The following ZCCHC7 variants were observed in gnomAD, a reference collection of about 807,000 sequenced individuals.
The protein encoded by ZCCHC7 is zinc finger CCHC domain-containing protein 7.
Under a neutral mutation model 52.0 loss-of-function variants are expected in ZCCHC7, and 35 were observed. The observed-to-expected ratio is 0.67, with a 90% CI of 0.51 to 0.89. The LOEUF is 0.89. ZCCHC7 is among the 40% of genes least tolerant of loss of function. ZCCHC7 has a pLI of 0.00. For missense variants in ZCCHC7, 574 were observed against 649.1 expected (o/e 0.88, Z 1.26); for synonymous variants, 217 against 221.5 (o/e 0.98, Z 0.18).
chr9:37,241,602 C>A (rs1474685746), intron 2 of ZCCHC7, among the ~76,000 whole-genome samples: 1 of 151,732 alleles, frequency 6.6e-6, no homozygotes, highest in East Asian at 1.9e-4. Context: ...TCACTTTTTC[C>A]TTTTGAAAAG....
intron 1 of ZCCHC7, among the ~76,000 whole-genome samples, chr9:37,125,416 C>T (rs1320230980): frequency 2.6e-5 from 4 of 152,220 alleles, no homozygotes; most frequent in African/African-American, 9.6e-5. Flanking sequence ...GCCTTGGCCT[C>T]CCAAAGTGTT....
At chr9:37,134,060 A>G (rs556246805) in intron 2 of ZCCHC7, among the ~76,000 whole-genome samples, 4 of 152,246 alleles carry the variant, frequency 2.6e-5, no homozygotes, top group South Asian at 2.1e-4. Flanking sequence ...ATATTTAATC[A>G]TATTACCATA....
At chr9:37,317,869 C>T (rs960526388) in intron 5 of ZCCHC7, among the ~76,000 whole-genome samples, 9 of 144,610 alleles carry the variant, frequency 6.2e-5, no homozygotes, top group African/African-American at 2.3e-4. Flanking sequence ...CCTGTTTATC[C>T]AAAGAGACCT....
chr9:37,205,303 CT>C, intron 2 of ZCCHC7: 1 of 192,884 alleles, frequency 5.2e-6, no homozygotes, highest in Non-Finnish European at 1.1e-5. Context: ...GCAGTATCAC[CT>C]TTCTTGTAGC....
At position 37,357,099 on chromosome 9, in the gene ZCCHC7, C is replaced by T; in HGVS notation, c.1463C>T (p.Thr488Ile). The T allele has an allele frequency of 3.1e-6, 5 of 1,613,780 alleles. No homozygotes were observed. Among genetic ancestry groups the T allele is most frequent in the African/African-American group, 1.3e-5 (1 of 74,934 alleles). Residue 488 changes from threonine to isoleucine, a missense_variant, in exon 9 of 9, where the codon ACC (threonine) becomes ATC (isoleucine). By Grantham distance (89) the Thr-to-Ile change is moderately conservative. This residue lies in a region of ZCCHC7 where 168 missense variants were observed against 171.6 expected (regional missense o/e 0.98). Coordinates refer to ENST00000336755, the MANE Select transcript of ZCCHC7 (RefSeq NM_032226.3). Reference protein sequence around the residue: ...KTYSSPGSFKTQKPSKPFHRS... With the variant: ...KTYSSPGSFKIQKPSKPFHRS... ...TACTCTTCTCCTGGCAGTTTTAAAA[C>T]CCAGAAGCCTTCTAAGCCCTTTCAC...
chr9:37,266,363 T>C (rs1827107764), intron 2 of ZCCHC7, among the ~76,000 whole-genome samples: 1 of 152,236 alleles, frequency 6.6e-6, no homozygotes, highest in African/African-American at 2.4e-5. Context: ...AGTACAACTG[T>C]AAATTTATTT....
At chr9:37,330,364 T>A (rs551351358) in intron 6 of ZCCHC7, among the ~76,000 whole-genome samples, 1 of 151,832 alleles carries the variant, frequency 6.6e-6, no homozygotes, top group Non-Finnish European at 1.5e-5. Context: ...TCAGCTAGAC[T>A]CGACTACATT....
At chr9:37,246,202 G>A (rs1403474331) in intron 2 of ZCCHC7, among the ~76,000 whole-genome samples, 1 of 152,128 alleles carries the variant, frequency 6.6e-6, no homozygotes, top group Non-Finnish European at 1.5e-5. Flanking sequence ...AAGTTTGAAA[G>A]TGGACAAATA....
At position 37,321,234 on chromosome 9, in the gene ZCCHC7, C is replaced by T. The variant is rs374642194; in HGVS notation, c.952-6565C>T. Among the ~76,000 whole-genome samples, 7 of 151,836 alleles carry T rather than the reference C, an allele frequency of 4.6e-5. No individual in the cohort carries two copies. In the South Asian group the frequency reaches 1.5e-3, roughly 32 times the overall value. On this transcript the variant is annotated intron_variant, in intron 5 of 8. Transcript: ENST00000336755. ...TGATCTCCTGACCTCGTGATCCACC[C>T]ACCTCGGCCTCCCAAAGTGCTGGGA...
At chr9:37,336,119 T>C (rs1830638504) in intron 6 of ZCCHC7, among the ~76,000 whole-genome samples, 1 of 152,246 alleles carries the variant, frequency 6.6e-6, no homozygotes, top group African/African-American at 2.4e-5. Context: ...TAGCAGTTTT[T>C]TGCACTTTAG....
At chr9:37,334,162 G>A (rs756931446) in intron 6 of ZCCHC7, among the ~76,000 whole-genome samples, 59 of 151,794 alleles carry the variant, frequency 3.9e-4, no homozygotes, top group Admixed American at 9.2e-4. Flanking sequence ...TGATTATTTC[G>A]CATATGTGCT....
chr9:37,161,390 C>T (rs997402245), intron 2 of ZCCHC7, among the ~76,000 whole-genome samples: 7 of 151,934 alleles, frequency 4.6e-5, no homozygotes, highest in Admixed American at 3.3e-4. Flanking sequence ...CTGGCTAACA[C>T]GGTGAAACCC....
intron 2 of ZCCHC7, among the ~76,000 whole-genome samples, chr9:37,133,930 G>A (rs1031219081): frequency 1.3e-5 from 2 of 152,088 alleles, no homozygotes; most frequent in African/African-American, 2.4e-5. Context: ...CAGCATGTTG[G>A]CTAGACTGGT....
intron 2 of ZCCHC7, among the ~76,000 whole-genome samples, chr9:37,275,232 A>G (rs1827625017): frequency 6.6e-6 from 1 of 150,462 alleles, no homozygotes; most frequent in African/African-American, 2.5e-5. Context: ...GTTGGGCCTT[A>G]TCCTGACTTT....
intron 2 of ZCCHC7, among the ~76,000 whole-genome samples, chr9:37,149,960 A>C (rs1843610619): frequency 6.6e-6 from 1 of 152,238 alleles, no homozygotes; most frequent in African/African-American, 2.4e-5. Context: ...GCTTGACGCA[A>C]ACATTTTTAA....
intron 2 of ZCCHC7, among the ~76,000 whole-genome samples, chr9:37,158,180 T>C (rs982461786): frequency 2.0e-5 from 3 of 152,208 alleles, no homozygotes; most frequent in Non-Finnish European, 2.9e-5. Flanking sequence ...TATGTAGAGA[T>C]TTGTTAAGAG....
intron 2 of ZCCHC7, among the ~76,000 whole-genome samples, chr9:37,238,736 A>G (rs1825758882): frequency 6.6e-6 from 1 of 152,134 alleles, no homozygotes; most frequent in South Asian, 2.1e-4. Flanking sequence ...TCAAATCATG[A>G]GAATCCCATT....
intron 2 of ZCCHC7, among the ~76,000 whole-genome samples, chr9:37,165,715 C>T (rs1247554954): frequency 1.3e-5 from 2 of 152,166 alleles, no homozygotes; most frequent in Non-Finnish European, 2.9e-5. Flanking sequence ...TGCCAGTTCT[C>T]ATGTAATTTC....
intron 2 of ZCCHC7, among the ~76,000 whole-genome samples, chr9:37,250,215 C>A (rs1826261791): frequency 6.6e-6 from 1 of 152,098 alleles, no homozygotes; most frequent in Non-Finnish European, 1.5e-5. Flanking sequence ...GGGATGATCA[C>A]CTTGTCCCAG....
Sources: gnomAD v4.1 joint callset for allele counts (sites outside exome capture counted in the v4.1 genomes callset) on GRCh38, gnomAD v4.1.1 for gene constraint, gnomAD v4.1.1 regional missense constraint, MANE v1.5 for transcripts, NCBI Gene and HGNC (gene_info 2026-07-23, HGNC 2026-07-21) for gene names.